Variants in NOP9 observed in about 807,000 individuals in gnomAD.
NOP9 encodes NOP9 nucleolar protein, also known as nucleolar protein 9.
NOP9 carries 50 observed loss-of-function variants against 63.0 expected under a neutral mutation model. The ratio of observed to expected loss-of-function variants is 0.79; its 90% CI spans 0.63 to 1.00. The LOEUF is 1.00. NOP9 is among the 50% of genes least tolerant of loss of function. The pLI is 0.00. For synonymous variants in NOP9, 343 were observed against 332.8 expected, an observed-to-expected ratio of 1.03 and a Z score of -0.33; for missense variants, 758 against 803.0, an observed-to-expected ratio of 0.94 and a Z score of 0.68.
intron 3 of NOP9, 121 bp downstream of exon 3, chr14:24,301,843 C>T: frequency 2.1e-6 from 3 of 1,458,428 alleles, no homozygotes; most frequent in Non-Finnish European, 2.9e-6. Flanking sequence ...GTTTGACGTT[C>T]AGAGCACTTT....
At chr14:24,302,751 G>C (rs185368760) in intron 5 of NOP9, among the ~76,000 whole-genome samples, 13 of 152,248 alleles carry the variant, frequency 8.5e-5, no homozygotes, top group African/African-American at 3.1e-4. Context: ...CTTTTCCTTT[G>C]CTGCTTAGGA....
chr14:24,299,806 T>C (rs921178872), upstream of NOP9: 4 of 1,049,314 alleles, frequency 3.8e-6, no homozygotes, highest in African/African-American at 6.4e-5. Flanking sequence ...CCCGCCCGGC[T>C]GGGGCGGCGC....
At position 24,303,832 on chromosome 14, in the gene NOP9, A is replaced by C. The variant is rs1025758127; in HGVS notation, c.1385A>C (p.Glu462Ala). The change falls in exon 7 of 10, where the codon GAG becomes GCG. Residue 462 changes from glutamate (E) to alanine (A), a missense_variant. Transcript: ENST00000267425. ...YEVYYGLTEEEGAVPAEHQVA... is the reference protein window; with the variant it reads ...YEVYYGLTEEAGAVPAEHQVA... ...GTGTACTATGGACTGACGGAGGAGG[A>C]GGGGGCAGTGCCTGCAGAGCACCAG... 2 of 1,613,820 alleles carry C rather than the reference A, an allele frequency of 1.2e-6. No individual in the cohort carries two copies. Among genetic ancestry groups the C allele is most frequent in the African/African-American group, 2.7e-5 (2 of 74,836 alleles).
the NOP9 span, chr14:24,292,419 C>A: frequency 6.4e-7 from 1 of 1,562,512 alleles, no homozygotes; most frequent in Non-Finnish European, 8.7e-7. Flanking sequence ...AATGCTCCAC[C>A]CACCCTGTCC....
rs747779984 is a variant in NOP9, at chr14:24,305,770, ATG to A, written c.*676_*677del. On this transcript the variant is annotated 3_prime_UTR_variant, in exon 10 of 10. Coordinates refer to ENST00000267425, the MANE Select transcript of NOP9 (RefSeq NM_174913.3). ...GAGGTCCAACGAAGGAGCTCCCTGA[ATG>A]GCAGAGACAAGAGGAAATCAGATGA... 9 of 1,613,078 alleles carry A rather than the reference ATG, an allele frequency of 5.6e-6. No homozygotes were observed. In the African/African-American group the frequency reaches 9.3e-5, roughly 17 times the overall value.
At chr14:24,300,960 C>T (rs923521957) in intron 2 of NOP9, 103 bp downstream of exon 2, 11 of 958,492 alleles carry the variant, frequency 1.1e-5, no homozygotes, top group Middle Eastern at 3.0e-4. Context: ...GGAGCTTGAC[C>T]GGGAAGAATT....
chr14:24,283,156 A>C, the NOP9 span, among the ~76,000 whole-genome samples: 1 of 152,252 alleles, frequency 6.6e-6, no homozygotes, highest in Non-Finnish European at 1.5e-5. Context: ...CAGTGCTGCC[A>C]GAAAAATTTA....
At position 24,299,856 on chromosome 14, in the gene NOP9, G is replaced by A. The variant is rs1217716743; in HGVS notation, c.-99G>A. 4 of 1,419,206 alleles carry A rather than the reference G, an allele frequency of 2.8e-6. No individual in the cohort carries two copies. The highest frequency in any genetic ancestry group is 2.5e-5 in the East Asian group (1 of 40,764). 87.9% of individuals were successfully genotyped at this position (1,419,206 alleles called of 1,614,324 possible). On this transcript the variant is annotated 5_prime_UTR_variant, in exon 1 of 10. Transcript: ENST00000267425. ...GTAGCTGCGTCAGGAGCGCGCCCGC[G>A]TTTCTAAACTTTGTCTGGATAAGGC... is the stretch of plus-strand genomic sequence containing the variant.
Position 24,307,428 on chromosome 14 carries a change from G to T in NOP9, c.*2333G>T. The T allele has an allele frequency of 6.2e-7, 1 of 1,614,164 alleles. No homozygotes were observed. On this transcript the variant is annotated 3_prime_UTR_variant, in exon 10 of 10. Coordinates refer to ENST00000267425, the MANE Select transcript of NOP9 (RefSeq NM_174913.3). ...TCAGGCCTTTCCGGATGGTCCGCTTGTGATCACAGACACGGAAAGGTCGCT... is the reference window on the plus strand; with the variant it reads ...TCAGGCCTTTCCGGATGGTCCGCTTTTGATCACAGACACGGAAAGGTCGCT...
At chr14:24,301,380 C>T (rs1400637615) in intron 2 of NOP9, among the ~76,000 whole-genome samples, 2 of 152,164 alleles carry the variant, frequency 1.3e-5, no homozygotes, top group African/African-American at 4.8e-5. Flanking sequence ...GGCTTGAATA[C>T]CTGGCTGAGG....
the NOP9 span, among the ~76,000 whole-genome samples, chr14:24,288,261 G>GTCTGTCTTGCTCTCTGT: frequency 6.6e-6 from 1 of 152,182 alleles, no homozygotes; most frequent in Non-Finnish European, 1.5e-5. Flanking sequence ...CGGGGGCCTG[G>GTCTGTCTTGCTCTCTGT]TCTGTCTTGC....
At chr14:24,296,662 A>G, upstream of NOP9, 3 of 1,613,440 alleles carry the variant, frequency 1.9e-6, no homozygotes, top group South Asian at 2.2e-5. Context: ...GGAAGGGACA[A>G]TGAGTGGGGA....
At position 24,306,524 on chromosome 14, in the gene NOP9, C is replaced by T; in HGVS notation, c.*1429C>T. 6.2e-7 allele frequency: 1 copy of T among 1,614,284 alleles called. No homozygotes were observed. Among genetic ancestry groups the T allele is most frequent in the Non-Finnish European group, 8.5e-7 (1 of 1,180,054 alleles). Reference sequence around the variant, plus strand: ...CATTCAGCAGTAGGGTCTCCAATGCCTGCCCAATGGCAAGAAGCAAGAAGG... The same window carrying T: ...CATTCAGCAGTAGGGTCTCCAATGCTTGCCCAATGGCAAGAAGCAAGAAGG... On this transcript the variant is annotated 3_prime_UTR_variant, in exon 10 of 10. Transcript: ENST00000267425.
rs747772783 is a variant in NOP9, at chr14:24,302,114, CAG to C, written c.950+9_950+10del. On this transcript the variant is annotated intron_variant, in intron 4 of 9. Coordinates refer to ENST00000267425, the MANE Select transcript of NOP9 (RefSeq NM_174913.3). ...TTCCTCAGTAGATGGCAGGTATGGTCAGGGCCTCAGGATCGACCCAAGTTGGC... is the reference window on the plus strand; with the variant it reads ...TTCCTCAGTAGATGGCAGGTATGGTCGGCCTCAGGATCGACCCAAGTTGGC... 13 of 1,611,340 alleles carry C rather than the reference CAG, an allele frequency of 8.1e-6. No individual in the cohort carries two copies. The highest frequency in any genetic ancestry group is 1.1e-5 in the Non-Finnish European group (13 of 1,178,158).
At position 24,306,762 on chromosome 14, in the gene NOP9, C is replaced by T. The variant is rs559039238; in HGVS notation, c.*1667C>T. 207 of 543,734 alleles carry T rather than the reference C, an allele frequency of 3.8e-4. 2 individuals carry two copies. Among genetic ancestry groups the T allele is most frequent in the Non-Finnish European group, 6.3e-4 (190 of 303,428 alleles). 33.7% of individuals were successfully genotyped at this position (543,734 alleles called of 1,614,324 possible). A position where few individuals can be genotyped will look rare whatever the true frequency, so the allele number is the denominator to read the frequency against. ...CATGTCATTGGCATCTCCCCTTGCT[C>T]CCCTCCAAGTCACTTCTGGTTTGGA... On this transcript the variant is annotated 3_prime_UTR_variant, in exon 10 of 10. Transcript: ENST00000267425.
At chr14:24,273,495 A>G in the NOP9 span, among the ~76,000 whole-genome samples, 4,460 of 152,252 alleles carry the variant, frequency 0.029, 219 homozygotes, top group African/African-American at 0.098. Context: ...TTAAATCTTT[A>G]TATATCCTTC....
chr14:24,298,797 C>T, upstream of NOP9: 3 of 985,984 alleles, frequency 3.0e-6, no homozygotes, highest in Non-Finnish European at 4.1e-6. Flanking sequence ...TCTACCTTAC[C>T]TGAAGTTATT....
chr14:24,290,820 TGAGAA>T, the NOP9 span: 1 of 1,610,644 alleles, frequency 6.2e-7, no homozygotes, highest in Non-Finnish European at 8.5e-7. Flanking sequence ...CAAGTCCAAA[TGAGAA>T]GACAAGCAGA....
Position 24,305,711 on chromosome 14 carries a change from C to T in NOP9, c.*616C>T, listed in dbSNP as rs1179443829. On this transcript the variant is annotated 3_prime_UTR_variant, in exon 10 of 10. Transcript: ENST00000267425. ...CATGACGAAGGGTGGAGGAAATTCC[C>T]AGCAACATATGGCCCAGGCCTTGCA... The T allele has an allele frequency of 1.9e-6, 3 of 1,614,078 alleles. No homozygotes were observed. Among genetic ancestry groups the T allele is most frequent in the Non-Finnish European group, 2.5e-6 (3 of 1,180,050 alleles).
Sources: gnomAD v4.1 joint callset for allele counts (sites outside exome capture counted in the v4.1 genomes callset) on GRCh38, gnomAD v4.1.1 for gene constraint, MANE v1.5 for transcripts, NCBI Gene and HGNC (gene_info 2026-07-23, HGNC 2026-07-21) for gene names.